DOK5: variants seen among roughly 807,000 people sequenced by gnomAD.
DOK5 encodes docking protein 5.
A neutral mutation model predicts 43.3 loss-of-function variants in DOK5; 27 were observed. That is an observed-to-expected ratio of 0.62 (90% CI 0.46 to 0.86). The LOEUF is 0.86. Among genes scored for constraint, DOK5 ranks in the 40% least tolerant of loss-of-function variants. The pLI is 0.00. For synonymous variants in DOK5, 146 were observed against 140.1 expected (o/e 1.04, Z -0.30); for missense variants, 373 against 392.9 (o/e 0.95, Z 0.43).
rs752108025 is a variant in DOK5 at position 54,588,681 on chromosome 20, C to T, written c.290-6C>T. On this transcript the variant is annotated splice_polypyrimidine_tract_variant and splice_region_variant and intron_variant, in intron 3 of 7. Transcript: ENST00000262593. ...ACACAGTTTAATCTTTTTGACATTT[C>T]CACAGATCTTGAGGCTGATGAGTGG... 1.9e-6 allele frequency: 3 copies of T among 1,614,076 alleles called. No homozygotes were observed. The highest frequency in any genetic ancestry group is 2.5e-6 in the Non-Finnish European group (3 of 1,179,962).
intron 7 of DOK5, among the ~76,000 whole-genome samples, chr20:54,645,283 G>C (rs1979357738): frequency 6.8e-6 from 1 of 147,250 alleles, no homozygotes; most frequent in African/African-American, 2.5e-5. Flanking sequence ...TGCCCGCTCT[G>C]AACCCTCAGT....
At chr20:54,643,351 C>G in intron 6 of DOK5, 107 bp from the exon 7 acceptor site, 1 of 1,447,274 alleles carries the variant, frequency 6.9e-7, no homozygotes, top group Non-Finnish European at 9.4e-7. Context: ...TGATTTGCAG[C>G]CTGGCCAGCT....
At chr20:54,528,055 AAAGT>A (rs922520282) in intron 1 of DOK5, among the ~76,000 whole-genome samples, 10 of 152,134 alleles carry the variant, frequency 6.6e-5, no homozygotes, top group African/African-American at 2.4e-4. Flanking sequence ...AAAAATACAA[AAAGT>A]TAGTTGGGCG....
Position 54,574,579 on chromosome 20 carries a change from G to C in DOK5, c.175-13904G>C, listed in dbSNP as rs114566221. Among the ~76,000 whole-genome samples the C allele has an allele frequency of 1.0e-3, 155 of 152,256 alleles. 2 individuals are homozygous for C. Among genetic ancestry groups the C allele is most frequent in the African/African-American group, 3.6e-3 (151 of 41,546 alleles). ...GAACTTGCTCATATGACTAAATTCA[G>C]TAGTTACACATTTTTGAAATTAAAT... On this transcript the variant is annotated intron_variant, in intron 2 of 7. Coordinates refer to ENST00000262593, the MANE Select transcript of DOK5 (RefSeq NM_018431.5).
intron 6 of DOK5, among the ~76,000 whole-genome samples, chr20:54,618,349 C>T (rs1333452789): frequency 1.4e-5 from 2 of 145,766 alleles, no homozygotes; most frequent in South Asian, 2.2e-4. Flanking sequence ...TTTTTTTTCC[C>T]TTTTTTTTTT....
At chr20:54,553,623 G>T (rs997727898) in intron 1 of DOK5, among the ~76,000 whole-genome samples, 1 of 150,822 alleles carries the variant, frequency 6.6e-6, no homozygotes, top group Non-Finnish European at 1.5e-5. Flanking sequence ...TTTGCTGGGC[G>T]CGGTGGCTCA....
chr20:54,650,442 G>T lies in DOK5; in HGVS notation c.884G>T (p.Arg295Leu). 6.2e-7 allele frequency: 1 copy of T among 1,613,918 alleles called. No individual in the cohort carries two copies. The highest frequency in any genetic ancestry group is 1.1e-5 in the South Asian group (1 of 91,070). ...GTTTCCAGCCCTCTGAAGCTTCATCGAACAGAGACTTTTCCAGCCTACAGA... is the reference window on the plus strand; with the variant it reads ...GTTTCCAGCCCTCTGAAGCTTCATCTAACAGAGACTTTTCCAGCCTACAGA... ...QDVSSPLKLH[R>L]TETFPAYRSE... Residue 295 changes from arginine (R) to leucine (L), a missense_variant, in exon 8 of 8, where the codon CGA (arginine) becomes CTA (leucine). Coordinates refer to ENST00000262593, the MANE Select transcript of DOK5 (RefSeq NM_018431.5).
chr20:54,476,139 G>GC (rs1981414952), intron 1 of DOK5, 127 bp downstream of exon 1: 1 of 1,535,392 alleles, frequency 6.5e-7, no homozygotes, highest in South Asian at 1.2e-5. Flanking sequence ...GGCTTTCTCA[G>GC]CCGAAACCCG....
chr20:54,583,557 G>A (rs1326570596), intron 2 of DOK5, among the ~76,000 whole-genome samples: 1 of 151,720 alleles, frequency 6.6e-6, no homozygotes, highest in Non-Finnish European at 1.5e-5. Context: ...CATATATTTG[G>A]TTGCTCTGGT....
chr20:54,593,488 G>T (rs911152206), intron 5 of DOK5, among the ~76,000 whole-genome samples: 1 of 152,068 alleles, frequency 6.6e-6, no homozygotes, highest in Non-Finnish European at 1.5e-5. Context: ...TTAATGTTGA[G>T]AGCAATGTTC....
intron 6 of DOK5, among the ~76,000 whole-genome samples, chr20:54,624,897 C>G (rs899608501): frequency 6.6e-6 from 1 of 151,992 alleles, no homozygotes; most frequent in African/African-American, 2.4e-5. Flanking sequence ...CTGTAAGCCA[C>G]AATGGAGGCA....
At chr20:54,551,953 G>C (rs1984545005) in intron 1 of DOK5, among the ~76,000 whole-genome samples, 1 of 152,054 alleles carries the variant, frequency 6.6e-6, no homozygotes. Flanking sequence ...TCAGCCTCCA[G>C]AGTAGCTGGG....
intron 5 of DOK5, among the ~76,000 whole-genome samples, chr20:54,602,332 A>G (rs575818522): frequency 1.3e-5 from 2 of 152,270 alleles, no homozygotes; most frequent in East Asian, 3.9e-4. Flanking sequence ...TCGTGATTGC[A>G]TCATGGGAGG....
chr20:54,638,314 G>A (rs1978937179), intron 6 of DOK5, among the ~76,000 whole-genome samples: 1 of 152,120 alleles, frequency 6.6e-6, no homozygotes, highest in Non-Finnish European at 1.5e-5. Context: ...GACTCCTGAA[G>A]GGAAGGTAGA....
At chr20:54,553,108 C>A (rs1568780369) in intron 1 of DOK5, among the ~76,000 whole-genome samples, 1 of 152,116 alleles carries the variant, frequency 6.6e-6, no homozygotes, top group Non-Finnish European at 1.5e-5. Context: ...ATTTAAGGAT[C>A]GAGGATAATC....
Position 54,625,727 on chromosome 20 carries a change from C to T in DOK5, c.735+15204C>T, listed in dbSNP as rs558080676. On this transcript the variant is annotated intron_variant, in intron 6 of 7. Transcript: ENST00000262593. Reference sequence around the variant, plus strand: ...TGATTTCTTGGCACAGTGCCTGGTACCTATTAAATATAGCAGCAACCTGAG... The same window carrying T: ...TGATTTCTTGGCACAGTGCCTGGTATCTATTAAATATAGCAGCAACCTGAG... 3.5e-4 allele frequency among the ~76,000 whole-genome samples: 54 copies of T among 152,224 alleles called. No homozygotes were observed. The South Asian group carries it at 0.011, about 30-fold the overall frequency.
intron 2 of DOK5, among the ~76,000 whole-genome samples, chr20:54,574,073 C>G (rs1213267071): frequency 6.6e-6 from 1 of 152,136 alleles, no homozygotes; most frequent in Non-Finnish European, 1.5e-5. Context: ...TCTGTCATTT[C>G]CTGCATTGCT....
intron 2 of DOK5, among the ~76,000 whole-genome samples, chr20:54,580,153 C>A (rs571939628): frequency 6.7e-4 from 102 of 152,088 alleles, no homozygotes; most frequent in African/African-American, 2.4e-3. Context: ...TGTATATGTT[C>A]CACACACAAC....
chr20:54,637,191 C>T (rs953674413), intron 6 of DOK5, among the ~76,000 whole-genome samples: 4 of 152,208 alleles, frequency 2.6e-5, no homozygotes, highest in African/African-American at 7.2e-5. Context: ...TAGCTTCTCT[C>T]CCCAGCAGCA....
Sources: allele counts gnomAD v4.1 joint callset (sites outside exome capture counted in the v4.1 genomes callset), GRCh38; gene constraint gnomAD v4.1.1; transcripts MANE v1.5; gene names NCBI Gene and HGNC (gene_info 2026-07-23, HGNC 2026-07-21).